Variants in SGK2 observed in about 807,000 individuals in gnomAD.
SGK2 encodes the protein serum/glucocorticoid regulated kinase 2, also known as serine/threonine-protein kinase Sgk2.
Under a neutral mutation model 47.5 loss-of-function variants are expected in SGK2, and 36 were observed. That is an observed-to-expected ratio of 0.76 (90% CI 0.58 to 1.00). The LOEUF is 1.00. Among genes scored for constraint, SGK2 ranks in the 50% least tolerant of loss-of-function variants. SGK2 has a pLI of 0.00. For synonymous variants in SGK2, 157 were observed against 181.9 expected, an observed-to-expected ratio of 0.86 and a Z score of 1.10; for missense variants, 404 against 467.4, an observed-to-expected ratio of 0.86 and a Z score of 1.25.
chr20:43,579,850 G>A lies in SGK2; in HGVS notation c.850-122G>A. The A allele has an allele frequency of 4.1e-6, 3 of 735,552 alleles. No homozygotes were observed. The South Asian group carries it at 4.5e-5, about 11-fold the overall frequency. The allele number at this position is 735,552 out of a possible 1,614,324, so 45.6% of individuals were successfully genotyped here. Reference sequence around the variant, plus strand: ...TTGTCCCAGGAAACTAGCCAGAACTGCAAGTTAATTTCCAGTTGACAGCCA... The same window carrying A: ...TTGTCCCAGGAAACTAGCCAGAACTACAAGTTAATTTCCAGTTGACAGCCA... On this transcript the variant is annotated intron_variant, in intron 11 of 12. Coordinates refer to ENST00000373100, the MANE Select transcript of SGK2 (RefSeq NM_170693.3).
chr20:43,573,683 A>C (rs185993851), intron 9 of SGK2, among the ~76,000 whole-genome samples: 2 of 152,218 alleles, frequency 1.3e-5, no homozygotes, highest in African/African-American at 4.8e-5. Context: ...CATATGCTTG[A>C]AAAGCTGGGT....
intron 11 of SGK2, among the ~76,000 whole-genome samples, chr20:43,577,311 G>C (rs556411353): frequency 1.3e-5 from 2 of 151,632 alleles, no homozygotes; most frequent in African/African-American, 2.4e-5. Flanking sequence ...AAGATTCCTC[G>C]GGCTTCTTTG....
intron 1 of SGK2, among the ~76,000 whole-genome samples, chr20:43,563,904 G>A (rs1166203083): frequency 6.6e-6 from 1 of 152,168 alleles, no homozygotes; most frequent in East Asian, 1.9e-4. Context: ...AACACTTCCA[G>A]ATCCTCCGCA....
At chr20:43,575,446 C>T (rs556212700) in intron 10 of SGK2, among the ~76,000 whole-genome samples, 3 of 115,842 alleles carry the variant, frequency 2.6e-5, no homozygotes, top group South Asian at 2.9e-4. Context: ...GTCTGGGTGA[C>T]GGAGGGAGAC....
intron 4 of SGK2, 93 bp from the exon 5 acceptor site, chr20:43,567,823 T>G: frequency 6.4e-7 from 1 of 1,555,048 alleles, no homozygotes; most frequent in Non-Finnish European, 8.9e-7. Context: ...CACTCGCACC[T>G]GCAGACAAAA....
intron 9 of SGK2, among the ~76,000 whole-genome samples, 176 bp from the exon 10 acceptor site, chr20:43,574,733 G>C (rs1980360990): frequency 2.0e-5 from 3 of 152,182 alleles, no homozygotes; most frequent in Admixed American, 2.0e-4. Flanking sequence ...CCATGGCAAA[G>C]GGCCCTGCAG....
intron 12 of SGK2, among the ~76,000 whole-genome samples, chr20:43,580,858 G>A (rs1980751029): frequency 6.7e-6 from 1 of 149,766 alleles, no homozygotes; most frequent in Non-Finnish European, 1.5e-5. Context: ...TTTTCTATGT[G>A]TTTTTTTTTG....
rs904631892 is a variant in SGK2, at chr20:43,584,982, A to G, written c.1070A>G (p.Tyr357Cys). Residue 357 changes from tyrosine (Y) to cysteine (C), a missense_variant, in exon 13 of 13, where the codon TAT becomes TGT. Transcript: ENST00000373100. ...TCAAGTGCATTCCTGGGATTTTCTT[A>G]TGCGCCAGAGGATGATGACATCTTG... ...GASSAFLGFS[Y>C]APEDDDILDC 6.2e-7 allele frequency: 1 copy of G among 1,614,068 alleles called. No homozygotes were observed. The highest frequency in any genetic ancestry group is 8.5e-7 in the Non-Finnish European group (1 of 1,179,982).
intron 2 of SGK2, 74 bp from the exon 3 acceptor site, chr20:43,566,994 C>A (rs1332904074): frequency 3.2e-6 from 4 of 1,253,994 alleles, no homozygotes; most frequent in Non-Finnish European, 4.7e-6. Context: ...GAGAAGGGAT[C>A]AGGGCCTGGG....
At chr20:43,568,728 C>T (rs6103386) in intron 5 of SGK2, among the ~76,000 whole-genome samples, 85 of 152,318 alleles carry the variant, frequency 5.6e-4, no homozygotes, top group African/African-American at 2.0e-3. Flanking sequence ...GCCTCAGCCT[C>T]CCAAAGTGCT....
chr20:43,561,553 C>A (rs979078289), intron 1 of SGK2, among the ~76,000 whole-genome samples: 2 of 151,998 alleles, frequency 1.3e-5, no homozygotes, highest in Non-Finnish European at 2.9e-5. Flanking sequence ...CCACGCCCAG[C>A]TAATTTTTGT....
intron 12 of SGK2, among the ~76,000 whole-genome samples, chr20:43,581,631 C>G (rs147698729): frequency 7.8e-4 from 119 of 152,312 alleles, no homozygotes; most frequent in African/African-American, 2.6e-3. Context: ...CAGGTTCAAG[C>G]AATTCTCATG....
At chr20:43,580,206 G>A in intron 12 of SGK2, 145 bp downstream of exon 12, 1 of 571,016 alleles carries the variant, frequency 1.8e-6, no homozygotes. Flanking sequence ...GTTAGAGACA[G>A]AACTGGGCCT....
intron 1 of SGK2, 39 bp from the exon 2 acceptor site, chr20:43,566,434 C>A (rs745455402): frequency 1.2e-6 from 2 of 1,614,184 alleles, no homozygotes; most frequent in Admixed American, 1.7e-5. Context: ...GACCCCCCAA[C>A]ACCAACTCTC....
At chr20:43,570,964 C>T in intron 7 of SGK2, 60 bp from the exon 8 acceptor site, 1 of 1,611,864 alleles carries the variant, frequency 6.2e-7, no homozygotes, top group Non-Finnish European at 8.5e-7. Context: ...GCCCAGGTCT[C>T]CAACTCTCCT....
At chr20:43,580,794 T>C (rs6103388) in intron 12 of SGK2, among the ~76,000 whole-genome samples, 127,964 of 149,438 alleles carry the variant, frequency 0.86, 54,896 homozygotes, top group Middle Eastern at 0.91. Flanking sequence ...AGTGGCGAAA[T>C]GCTTATTATC....
intron 11 of SGK2, among the ~76,000 whole-genome samples, chr20:43,579,350 C>T (rs979184001): frequency 1.3e-5 from 2 of 152,038 alleles, no homozygotes; most frequent in African/African-American, 4.8e-5. Flanking sequence ...GGTTGTTAAC[C>T]AGCCCACTGG....
intron 1 of SGK2, among the ~76,000 whole-genome samples, chr20:43,564,575 A>G (rs187969210): frequency 6.6e-6 from 1 of 152,272 alleles, no homozygotes; most frequent in Admixed American, 6.5e-5. Context: ...TTACCTATAC[A>G]CACATATTAA....
chr20:43,566,179 T>C, intron 1 of SGK2: 1 of 650,942 alleles, frequency 1.5e-6, no homozygotes. Flanking sequence ...CTCACAGGGG[T>C]CTTGTTGCCC....
Sources: allele counts gnomAD v4.1 joint callset (sites outside exome capture counted in the v4.1 genomes callset), GRCh38; gene constraint gnomAD v4.1.1; transcripts MANE v1.5; gene names NCBI Gene and HGNC (gene_info 2026-07-23, HGNC 2026-07-21).